The following MAN1A1 variants were observed in gnomAD, a reference collection of about 807,000 sequenced individuals.
MAN1A1 encodes mannosyl-oligosaccharide 1,2-alpha-mannosidase IA.
In MAN1A1, 29 loss-of-function variants were observed where a neutral mutation model predicts 70.8. The observed-to-expected ratio is 0.41, with a 90% CI of 0.31 to 0.56. MAN1A1 has a LOEUF of 0.56. Among genes scored for constraint, MAN1A1 ranks in the 20% least tolerant of loss-of-function variants. The pLI, the probability that MAN1A1 is intolerant of heterozygous loss-of-function variation, is 0.29. For missense variants in MAN1A1, 747 were observed against 841.3 expected, an observed-to-expected ratio of 0.89 and a Z score of 1.39; for synonymous variants, 349 against 330.1, an observed-to-expected ratio of 1.06 and a Z score of -0.62.
intron 5 of MAN1A1, 26 bp downstream of exon 5, chr6:119,290,657 C>T (rs763543181): frequency 3.9e-6 from 6 of 1,537,840 alleles, no homozygotes; most frequent in Non-Finnish European, 5.3e-6. Context: ...TTATAATTCA[C>T]ATTTATATAC....
chr6:119,277,986 TAAAA>T lies in MAN1A1; in HGVS notation c.897+12693_897+12696del, dbSNP rs969778414. On this transcript the variant is annotated intron_variant, in intron 5 of 12. Coordinates refer to ENST00000368468, the MANE Select transcript of MAN1A1 (RefSeq NM_005907.4). ...AAAAATAAATAAATAAATAAATAAA[TAAAA>T]AAAAAGTAATTAGCCAGGCATGGTG... Among the ~76,000 whole-genome samples the T allele has an allele frequency of 1.5e-3, 178 of 122,190 alleles. 5 individuals carry two copies. Among genetic ancestry groups the T allele is most frequent in the Middle Eastern group, 5.2e-3 (1 of 192 alleles). 80.2% of individuals were successfully genotyped at this position (122,190 alleles called of 152,430 possible). A position where few individuals can be genotyped will look rare whatever the true frequency, so the allele number is the denominator to read the frequency against.
intron 5 of MAN1A1, among the ~76,000 whole-genome samples, chr6:119,261,167 G>C (rs574214640): frequency 9.2e-5 from 14 of 151,928 alleles, no homozygotes; most frequent in Admixed American, 2.6e-4. Context: ...TTTTAGTAGA[G>C]ACGGGGTTTC....
At chr6:119,328,998 T>C (rs952294706) in intron 2 of MAN1A1, among the ~76,000 whole-genome samples, 2 of 152,168 alleles carry the variant, frequency 1.3e-5, no homozygotes, top group Admixed American at 6.5e-5. Flanking sequence ...ATAAGATAAA[T>C]ACAGCAAAGC....
chr6:119,190,017 T>G, intron 9 of MAN1A1, 134 bp from the exon 10 acceptor site: 1 of 706,156 alleles, frequency 1.4e-6, no homozygotes, highest in Non-Finnish European at 2.3e-6. Flanking sequence ...CCATTCAACC[T>G]GAAATTACAT....
Position 119,313,256 on chromosome 6 carries a change from C to T in MAN1A1, c.604-6264G>A, listed in dbSNP as rs750570761. 6.6e-5 allele frequency among the ~76,000 whole-genome samples: 10 copies of T among 152,168 alleles called. 1 individual carries two copies. Among genetic ancestry groups the T allele is most frequent in the Non-Finnish European group, 1.3e-4 (9 of 68,024 alleles). Reference sequence around the variant, plus strand: ...ATTACATCTGAAAGTATTTAGCACCCTCTCATGCAACAGGTATCAAGATGC... The same window carrying T: ...ATTACATCTGAAAGTATTTAGCACCTTCTCATGCAACAGGTATCAAGATGC... On this transcript the variant is annotated intron_variant, in intron 2 of 12. Transcript: ENST00000368468.
At chr6:119,240,310 T>C (rs1163599474) in intron 6 of MAN1A1, among the ~76,000 whole-genome samples, 1 of 152,214 alleles carries the variant, frequency 6.6e-6, no homozygotes, top group Non-Finnish European at 1.5e-5. Context: ...ACCCTTAAAT[T>C]GTAGAACTTT....
chr6:119,192,054 G>C (rs1277258942), intron 9 of MAN1A1, among the ~76,000 whole-genome samples: 1 of 152,132 alleles, frequency 6.6e-6, no homozygotes, highest in Non-Finnish European at 1.5e-5. Flanking sequence ...GTTCTTAATG[G>C]ATTTTCCTGT....
In MAN1A1 at chr6:119,302,032, C is replaced by T; in HGVS notation, c.772G>A (p.Glu258Lys). Residue 258 changes from glutamate (E) to lysine (K), a missense_variant, in exon 4 of 13, where the codon GAA becomes AAA. Transcript: ENST00000368468. ...TCTTCAACCCATGATTTTGCTTCTT[C>T]AAATTCATGTTTCATTTCCATAATA... ...LFIMEMKHEF[E>K]EAKSWVEENL... 2 of 1,609,784 alleles carry T rather than the reference C, an allele frequency of 1.2e-6. No homozygotes were observed. Among genetic ancestry groups the T allele is most frequent in the Non-Finnish European group, 1.7e-6 (2 of 1,176,900 alleles).
chr6:119,271,965 C>A (rs1228791529), intron 5 of MAN1A1, among the ~76,000 whole-genome samples: 1 of 152,172 alleles, frequency 6.6e-6, no homozygotes, highest in Non-Finnish European at 1.5e-5. Context: ...AGGAGAAACA[C>A]AGTCTTAGGG....
At position 119,236,543 on chromosome 6, in the gene MAN1A1, A is replaced by G. The variant is rs534435275; in HGVS notation, c.992+11717T>C. ...GCCAACAAGGTGAAACCCCATCTCT[A>G]TTAAAAACACAGAAATTAGCTAGGC... On this transcript the variant is annotated intron_variant, in intron 6 of 12. Coordinates refer to ENST00000368468, the MANE Select transcript of MAN1A1 (RefSeq NM_005907.4). 5.9e-5 allele frequency among the ~76,000 whole-genome samples: 9 copies of G among 152,100 alleles called. No individual in the cohort carries two copies. In the East Asian group the frequency reaches 1.2e-3, roughly 20 times the overall value.
chr6:119,308,159 G>C (rs147497642), intron 2 of MAN1A1, among the ~76,000 whole-genome samples: 87 of 152,198 alleles, frequency 5.7e-4, no homozygotes, highest in African/African-American at 2.0e-3. Context: ...AAGAAACTGA[G>C]GTTTGGAAGT....
At chr6:119,254,567 TG>T (rs34270103) in intron 5 of MAN1A1, among the ~76,000 whole-genome samples, 2 of 152,146 alleles carry the variant, frequency 1.3e-5, no homozygotes, top group South Asian at 4.1e-4. Flanking sequence ...CTCTATTTGG[TG>T]GGGAGGATTT....
At chr6:119,208,724 G>A (rs932319921) in intron 6 of MAN1A1, among the ~76,000 whole-genome samples, 5 of 152,142 alleles carry the variant, frequency 3.3e-5, no homozygotes, top group Non-Finnish European at 5.9e-5. Context: ...CCTAGAGCCC[G>A]TAATGATTCA....
chr6:119,231,232 C>T (rs1360774695), intron 6 of MAN1A1, among the ~76,000 whole-genome samples: 1 of 152,100 alleles, frequency 6.6e-6, no homozygotes, highest in Non-Finnish European at 1.5e-5. Context: ...ACCATAATCC[C>T]CACGTCTCAA....
At chr6:119,281,236 G>A (rs1324766522) in intron 5 of MAN1A1, among the ~76,000 whole-genome samples, 1 of 152,228 alleles carries the variant, frequency 6.6e-6, no homozygotes, top group African/African-American at 2.4e-5. Context: ...GGTTTTTCCA[G>A]TGAGACTGGC....
intron 4 of MAN1A1, among the ~76,000 whole-genome samples, chr6:119,293,253 G>T (rs879933006): frequency 6.6e-6 from 1 of 152,072 alleles, no homozygotes; most frequent in Non-Finnish European, 1.5e-5. Context: ...TATATCTTCA[G>T]CTAGACATCA....
intron 6 of MAN1A1, 151 bp from the exon 7 acceptor site, chr6:119,205,033 T>A: frequency 2.6e-6 from 2 of 764,788 alleles, no homozygotes; most frequent in Non-Finnish European, 3.9e-6. Flanking sequence ...CTGTCTTCTT[T>A]GGCTACCAGT....
intron 6 of MAN1A1, among the ~76,000 whole-genome samples, chr6:119,213,188 TG>T (rs1384949361): frequency 8.6e-5 from 13 of 151,864 alleles, no homozygotes; most frequent in African/African-American, 2.9e-4. Context: ...TTCTTACTTT[TG>T]GTTTTTTTTA....
intron 6 of MAN1A1, among the ~76,000 whole-genome samples, chr6:119,229,765 CAGAT>C (rs563770680): frequency 7.2e-5 from 11 of 152,108 alleles, no homozygotes; most frequent in Non-Finnish European, 1.5e-4. Flanking sequence ...AGAAAACAAA[CAGAT>C]AAAGATATGT....
Sources: gnomAD v4.1 joint callset for allele counts (sites outside exome capture counted in the v4.1 genomes callset) on GRCh38, gnomAD v4.1.1 for gene constraint, MANE v1.5 for transcripts, NCBI Gene and HGNC (gene_info 2026-07-23, HGNC 2026-07-21) for gene names.